RORA: variants seen among roughly 807,000 people sequenced by gnomAD.
The protein encoded by RORA is nuclear receptor ROR-alpha.
Under a neutral mutation model 69.5 loss-of-function variants are expected in RORA, and 7 were observed. The observed-to-expected ratio is 0.10, with a 90% CI of 0.06 to 0.19. RORA has a LOEUF of 0.19. RORA is among the 10% of genes least tolerant of loss of function. The pLI is 1.00. For missense variants in RORA, 457 were observed against 663.0 expected (o/e 0.69, Z 3.41); for synonymous variants, 261 against 240.8 (o/e 1.08, Z -0.78).
At chr15:61,160,938 A>G (rs759129577) in intron 1 of RORA, among the ~76,000 whole-genome samples, 10 of 152,260 alleles carry the variant, frequency 6.6e-5, no homozygotes, top group Non-Finnish European at 1.5e-4. Context: ...GTACCAATCT[A>G]TCAAACCCAC....
chr15:60,681,005 C>G (rs2070634638), intron 1 of RORA, among the ~76,000 whole-genome samples: 1 of 152,026 alleles, frequency 6.6e-6, no homozygotes, highest in Non-Finnish European at 1.5e-5. Context: ...AGACAGAAGT[C>G]TATTTCCCTA....
chr15:60,848,666 T>A (rs2073292757), intron 1 of RORA: 1 of 154,062 alleles, frequency 6.5e-6, no homozygotes, highest in Non-Finnish European at 1.4e-5. Flanking sequence ...TGGGGAGGCC[T>A]CAGGAAACTT....
rs556336346 is a variant in RORA, at chr15:60,752,636, G to A, written c.167-73950C>T. On this transcript the variant is annotated intron_variant, in intron 1 of 10. Coordinates refer to ENST00000335670, the MANE Select transcript of RORA (RefSeq NM_134261.3). ...TGCTCCCCCCACCCCCACCCGCCTC[G>A]AGTTTATTTAAGTGACATCAAGGGA... Among the ~76,000 whole-genome samples the A allele has an allele frequency of 1.6e-4, 12 of 72,866 alleles. 3 individuals are homozygous for A. The allele number at this position is 72,866 out of a possible 152,430, so 47.8% of individuals were successfully genotyped here.
intron 1 of RORA, among the ~76,000 whole-genome samples, chr15:60,910,843 T>C (rs970101468): frequency 2.0e-5 from 3 of 151,612 alleles, no homozygotes; most frequent in Non-Finnish European, 4.4e-5. Context: ...CTTCTCTCCA[T>C]GGACATAAAT....
intron 1 of RORA, among the ~76,000 whole-genome samples, chr15:60,987,557 T>C (rs1267227408): frequency 6.6e-6 from 1 of 152,314 alleles, no homozygotes; most frequent in East Asian, 1.9e-4. Context: ...ACTGATGCCC[T>C]TCTCTCATTA....
chr15:60,938,476 G>A (rs1317624257), intron 1 of RORA, among the ~76,000 whole-genome samples: 1 of 152,204 alleles, frequency 6.6e-6, no homozygotes. Context: ...ATCTAGCTTA[G>A]AGGTCGTGTG....
At chr15:61,170,104 T>C (rs547787664) in intron 1 of RORA, among the ~76,000 whole-genome samples, 1 of 152,332 alleles carries the variant, frequency 6.6e-6, no homozygotes, top group Non-Finnish European at 1.5e-5. Flanking sequence ...TCCTCATTTG[T>C]CAAGTGGGTT....
At chr15:60,550,438 T>A (rs1254346045) in intron 2 of RORA, among the ~76,000 whole-genome samples, 1 of 152,230 alleles carries the variant, frequency 6.6e-6, no homozygotes, top group African/African-American at 2.4e-5. Context: ...AATTTATAAT[T>A]TATGCGTCAA....
At chr15:61,144,799 CAG>C (rs1205669653) in intron 1 of RORA, among the ~76,000 whole-genome samples, 1 of 152,160 alleles carries the variant, frequency 6.6e-6, no homozygotes, top group Non-Finnish European at 1.5e-5. Context: ...TTTCTATAGA[CAG>C]AGTCACATGT....
At chr15:61,165,996 C>T (rs1462186004) in intron 1 of RORA, among the ~76,000 whole-genome samples, 1 of 152,130 alleles carries the variant, frequency 6.6e-6, no homozygotes, top group Non-Finnish European at 1.5e-5. Flanking sequence ...GACCTGAGCT[C>T]GATGTGGGAC....
At chr15:61,162,676 G>T (rs1177787779) in intron 1 of RORA, among the ~76,000 whole-genome samples, 3 of 152,136 alleles carry the variant, frequency 2.0e-5, no homozygotes, top group Non-Finnish European at 4.4e-5. Context: ...GTAGGAAAAG[G>T]TTAAGTGTTT....
intron 1 of RORA, among the ~76,000 whole-genome samples, chr15:60,681,304 A>C (rs993599525): frequency 6.6e-6 from 1 of 152,230 alleles, no homozygotes; most frequent in African/African-American, 2.4e-5. Flanking sequence ...AAATCTTTAA[A>C]AACACTAGTG....
At chr15:61,024,662 G>C (rs1895710711) in intron 1 of RORA, among the ~76,000 whole-genome samples, 2 of 151,992 alleles carry the variant, frequency 1.3e-5, no homozygotes, top group Admixed American at 6.6e-5. Context: ...TGTTGGTCAG[G>C]CTGGTCTTGA....
intron 2 of RORA, among the ~76,000 whole-genome samples, chr15:60,638,059 A>C (rs971023434): frequency 6.6e-6 from 1 of 152,206 alleles, no homozygotes; most frequent in African/African-American, 2.4e-5. Flanking sequence ...AGAAACAGTA[A>C]TATAAAGAAG....
At chr15:60,915,530 G>C (rs1306158817) in intron 1 of RORA, among the ~76,000 whole-genome samples, 1 of 152,140 alleles carries the variant, frequency 6.6e-6, no homozygotes, top group African/African-American at 2.4e-5. Flanking sequence ...ATGGTGGCGC[G>C]AATACTCTAT....
At chr15:60,556,466 C>T (rs2067361724) in intron 2 of RORA, among the ~76,000 whole-genome samples, 1 of 152,178 alleles carries the variant, frequency 6.6e-6, no homozygotes, top group African/African-American at 2.4e-5. Context: ...GATATAAAAG[C>T]AGAGAACTAA....
At chr15:60,543,957 T>C (rs1405721623) in intron 2 of RORA, among the ~76,000 whole-genome samples, 1 of 152,152 alleles carries the variant, frequency 6.6e-6, no homozygotes, top group Non-Finnish European at 1.5e-5. Flanking sequence ...AGTGTTTCTT[T>C]CTAGGGAAAG....
At chr15:60,923,342 G>A (rs940959229) in intron 1 of RORA, among the ~76,000 whole-genome samples, 2 of 152,106 alleles carry the variant, frequency 1.3e-5, no homozygotes, top group Non-Finnish European at 2.9e-5. Context: ...CCGAACAAAG[G>A]GCCTTCATTT....
At chr15:60,641,194 C>T (rs1012382755) in intron 2 of RORA, among the ~76,000 whole-genome samples, 1 of 152,256 alleles carries the variant, frequency 6.6e-6, no homozygotes, top group Non-Finnish European at 1.5e-5. Flanking sequence ...TCAAGTGACT[C>T]GTCTGCCTCA....
Sources: gnomAD v4.1 joint callset for allele counts (sites outside exome capture counted in the v4.1 genomes callset) on GRCh38, gnomAD v4.1.1 for gene constraint, MANE v1.5 for transcripts, NCBI Gene and HGNC (gene_info 2026-07-23, HGNC 2026-07-21) for gene names.